Variants in DOCK7 observed in about 807,000 individuals in gnomAD.
DOCK7 encodes the protein dedicator of cytokinesis 7, also known as dedicator of cytokinesis protein 7.
Under a neutral mutation model 271.0 loss-of-function variants are expected in DOCK7, and 138 were observed. That is an observed-to-expected ratio of 0.51 (90% CI 0.44 to 0.59). DOCK7 has a LOEUF of 0.59. Ranked by LOEUF, DOCK7 falls within the 20% of genes least tolerant of loss-of-function variation. The pLI is 0.00. For missense variants in DOCK7, 2,066 were observed against 2,592.4 expected, an observed-to-expected ratio of 0.80 and a Z score of 4.41; for synonymous variants, 823 against 876.1, an observed-to-expected ratio of 0.94 and a Z score of 1.07.
intron 1 of DOCK7, among the ~76,000 whole-genome samples, chr1:62,674,314 C>CG (rs1415186854): frequency 6.6e-6 from 1 of 152,014 alleles, no homozygotes; most frequent in Non-Finnish European, 1.5e-5. Context: ...AATAGACCCC[C>CG]CCCACCAACC....
At position 62,679,049 on chromosome 1, in the gene DOCK7, T is replaced by G. The variant is rs796345132; in HGVS notation, c.38+9178A>C. Among the ~76,000 whole-genome samples the G allele has an allele frequency of 1.9e-4, 29 of 152,252 alleles. 2 individuals are homozygous for G. Among genetic ancestry groups the G allele is most frequent in the African/African-American group, 6.5e-4 (27 of 41,574 alleles). Reference sequence around the variant, plus strand: ...TACCCACAAATATTAAAATTAATTTTTTTAATCTACAATAGAGGCGGCAGG... The same window carrying G: ...TACCCACAAATATTAAAATTAATTTGTTTAATCTACAATAGAGGCGGCAGG... On this transcript the variant is annotated intron_variant, in intron 1 of 49. Transcript: ENST00000635253.
chr1:62,555,843 G>C lies in DOCK7; in HGVS notation c.2578C>G (p.Pro860Ala), dbSNP rs150032045. Residue 860 changes from proline to alanine, a missense_variant, in exon 21 of 50, where the codon CCT becomes GCT. Transcript: ENST00000635253. ...AAAATACCTGGTGATGATGAATTAG[G>C]GTAAGTATTTGGTAGGCGGAAAACA... ...HYVFRLPNTY[P>A]NSSSPGPGGL... 4 of 1,611,800 alleles carry C rather than the reference G, an allele frequency of 2.5e-6. No individual in the cohort carries two copies. Among genetic ancestry groups the C allele is most frequent in the Admixed American group, 1.7e-5 (1 of 59,500 alleles).
chr1:62,635,026 G>A, intron 8 of DOCK7, 104 bp from the exon 9 acceptor site: 1 of 596,928 alleles, frequency 1.7e-6, no homozygotes, highest in Non-Finnish European at 2.8e-6. Flanking sequence ...CTCTTTCAAT[G>A]AAACAATAAT....
At chr1:62,457,185 C>T (rs1009842966) in intron 49 of DOCK7, among the ~76,000 whole-genome samples, 3 of 152,104 alleles carry the variant, frequency 2.0e-5, no homozygotes, top group African/African-American at 4.8e-5. Context: ...TGTGGTGTCC[C>T]GGTTAATGAG....
At chr1:62,528,713 C>T (rs965753292) in intron 30 of DOCK7, among the ~76,000 whole-genome samples, 3 of 152,172 alleles carry the variant, frequency 2.0e-5, no homozygotes, top group African/African-American at 7.2e-5. Context: ...TGGAAGCTAT[C>T]GGGCTAATTG....
chr1:62,530,715 G>T, intron 29 of DOCK7: 1 of 155,208 alleles, frequency 6.4e-6, no homozygotes. Flanking sequence ...TGCCCGTGAG[G>T]TGGCACCAAT....
chr1:62,493,165 A>G (rs1264558144), intron 40 of DOCK7, among the ~76,000 whole-genome samples: 2 of 152,158 alleles, frequency 1.3e-5, no homozygotes, highest in African/African-American at 4.8e-5. Context: ...TATTTATTTA[A>G]TTGATCTTTT....
intron 43 of DOCK7, chr1:62,482,299 G>A (rs1646150073): frequency 6.6e-6 from 1 of 151,894 alleles, no homozygotes; most frequent in Non-Finnish European, 1.5e-5. Flanking sequence ...GTAAGTGGTG[G>A]AGTGGGAAGT....
At chr1:62,617,064 G>GA (rs1202368824) in intron 14 of DOCK7, among the ~76,000 whole-genome samples, 1 of 131,580 alleles carries the variant, frequency 7.6e-6, no homozygotes, top group Non-Finnish European at 1.7e-5. Flanking sequence ...GCAAACTAAG[G>GA]AAAATACATG....
chr1:62,484,390 A>G (rs1467939152), intron 43 of DOCK7: 1 of 152,196 alleles, frequency 6.6e-6, no homozygotes, highest in South Asian at 2.1e-4. Flanking sequence ...TCACATGACT[A>G]TGTTATCACT....
chr1:62,577,970 C>A (rs1238933937), intron 17 of DOCK7, among the ~76,000 whole-genome samples: 1 of 151,722 alleles, frequency 6.6e-6, no homozygotes, highest in Non-Finnish European at 1.5e-5. Context: ...ATCGCCCAGG[C>A]CAGAGTGCAA....
Position 62,510,573 on chromosome 1 carries a change from T to A in DOCK7, c.4379+4A>T, listed in dbSNP as rs1644454769. 1.9e-6 allele frequency: 3 copies of A among 1,610,322 alleles called. No individual in the cohort carries two copies. The highest frequency in any genetic ancestry group is 2.5e-6 in the Non-Finnish European group (3 of 1,177,998). On this transcript the variant is annotated splice_donor_region_variant and intron_variant, in intron 34 of 49. Coordinates refer to ENST00000635253, the MANE Select transcript of DOCK7 (RefSeq NM_001367561.1). ...CAGTAACATAAAATAGAAAGCTGTA[T>A]TACTTGTCAAGCTTCTCTGTGTTTT...
intron 4 of DOCK7, among the ~76,000 whole-genome samples, chr1:62,651,586 C>G (rs530236210): frequency 2.7e-5 from 4 of 150,852 alleles, no homozygotes; most frequent in South Asian, 4.2e-4. Context: ...ATATCCACAC[C>G]GCCATTAAGC....
chr1:62,612,045 A>G lies in DOCK7; in HGVS notation c.1682+6661T>C, dbSNP rs1258306458. On this transcript the variant is annotated intron_variant, in intron 14 of 49. Coordinates refer to ENST00000635253, the MANE Select transcript of DOCK7 (RefSeq NM_001367561.1). ...GTGGCTTGCACCTGTAGTCCCACCT[A>G]CTTGGGAGGCTGAGGCAGGAAAATT... Among the ~76,000 whole-genome samples, 3 of 151,848 alleles carry G rather than the reference A, an allele frequency of 2.0e-5. No individual in the cohort carries two copies. The East Asian group carries it at 5.8e-4, about 29-fold the overall frequency.
intron 18 of DOCK7, among the ~76,000 whole-genome samples, chr1:62,565,476 T>C (rs973573286): frequency 4.6e-5 from 7 of 152,216 alleles, no homozygotes; most frequent in Middle Eastern, 3.4e-3. Flanking sequence ...ATTATCTCAA[T>C]AGATGCAGAG....
At chr1:62,599,982 T>A (rs902246264) in intron 14 of DOCK7, among the ~76,000 whole-genome samples, 13 of 151,958 alleles carry the variant, frequency 8.6e-5, no homozygotes, top group Non-Finnish European at 1.5e-4. Flanking sequence ...AACAAAATCA[T>A]TTTCAAGAGA....
chr1:62,645,780 G>A (rs961511371), intron 7 of DOCK7, among the ~76,000 whole-genome samples: 9 of 152,226 alleles, frequency 5.9e-5, no homozygotes, highest in Admixed American at 1.3e-4. Context: ...CAACCCAAAT[G>A]CTCACTGACT....
chr1:62,562,847 A>G (rs1290700678), intron 18 of DOCK7, among the ~76,000 whole-genome samples: 2 of 152,146 alleles, frequency 1.3e-5, no homozygotes, highest in African/African-American at 2.4e-5. Context: ...CTCTCTGGCC[A>G]AAGAAATAAT....
chr1:62,544,884 A>T, intron 23 of DOCK7, 63 bp downstream of exon 23: 1 of 1,303,828 alleles, frequency 7.7e-7, no homozygotes, highest in Non-Finnish European at 1.1e-6. Flanking sequence ...GTATATACTA[A>T]AAAGTAATGT....
Sources: gnomAD v4.1 joint callset for allele counts (sites outside exome capture counted in the v4.1 genomes callset) on GRCh38, gnomAD v4.1.1 for gene constraint, MANE v1.5 for transcripts, NCBI Gene and HGNC (gene_info 2026-07-23, HGNC 2026-07-21) for gene names.